The following RBFOX1 variants were observed in gnomAD, a reference collection of about 807,000 sequenced individuals.
The protein encoded by RBFOX1 is RNA binding fox-1 homolog 1, also known as RNA binding protein fox-1 homolog 1.
Under a neutral mutation model 57.7 loss-of-function variants are expected in RBFOX1, and 8 were observed. The ratio of observed to expected loss-of-function variants is 0.14; its 90% confidence interval spans 0.08 to 0.25. RBFOX1 has a LOEUF of 0.25. RBFOX1 is among the 10% of genes least tolerant of loss of function. The pLI, the probability that RBFOX1 is intolerant of heterozygous loss-of-function variation, is 1.00. For missense variants in RBFOX1, 611 were observed against 548.5 expected, an observed-to-expected ratio of 1.11 and a Z score of -1.14; for synonymous variants, 326 against 222.4, an observed-to-expected ratio of 1.47 and a Z score of -4.15.
intron 4 of RBFOX1, among the ~76,000 whole-genome samples, chr16:7,309,675 A>T (rs1162759044): frequency 6.6e-6 from 1 of 152,198 alleles, no homozygotes; most frequent in African/African-American, 2.4e-5. Flanking sequence ...CCAAGAGGAA[A>T]CATAATGCTT....
At chr16:6,077,262 G>C (rs892701110) in intron 1 of RBFOX1, among the ~76,000 whole-genome samples, 3 of 152,146 alleles carry the variant, frequency 2.0e-5, no homozygotes, top group Non-Finnish European at 4.4e-5. Context: ...CATTGCAGTT[G>C]ACATGGCAGC....
intron 3 of RBFOX1, among the ~76,000 whole-genome samples, chr16:6,732,472 T>G (rs2068894838): frequency 6.6e-6 from 1 of 152,204 alleles, no homozygotes; most frequent in Non-Finnish European, 1.5e-5. Context: ...GTCACCTGAT[T>G]CATTGAGTAT....
intron 11 of RBFOX1, among the ~76,000 whole-genome samples, chr16:7,646,968 C>T (rs1403941114): frequency 6.6e-6 from 1 of 152,132 alleles, no homozygotes; most frequent in East Asian, 1.9e-4. Context: ...GAGGGGGAGA[C>T]AGGCAGTTAG....
At chr16:6,820,033 A>C (rs2090989420) in intron 3 of RBFOX1, among the ~76,000 whole-genome samples, 1 of 152,056 alleles carries the variant, frequency 6.6e-6, no homozygotes, top group African/African-American at 2.4e-5. Flanking sequence ...CATGGGAGGC[A>C]CCCAATAGGA....
chr16:7,522,178 A>G (rs1231041301), intron 5 of RBFOX1, among the ~76,000 whole-genome samples: 1 of 152,240 alleles, frequency 6.6e-6, no homozygotes, highest in African/African-American at 2.4e-5. Flanking sequence ...AAATCATTAA[A>G]GAAACGAAGT....
intron 1 of RBFOX1, among the ~76,000 whole-genome samples, chr16:6,209,766 C>T (rs569665363): frequency 2.0e-5 from 3 of 152,264 alleles, no homozygotes; most frequent in African/African-American, 7.2e-5. Context: ...GGTCGTGAAC[C>T]AGATGATGTC....
At chr16:6,609,834 C>A (rs1238236747) in intron 2 of RBFOX1, among the ~76,000 whole-genome samples, 1 of 151,852 alleles carries the variant, frequency 6.6e-6, no homozygotes, top group Non-Finnish European at 1.5e-5. Context: ...ATGGTGAAAC[C>A]CCATCTTTAG....
intron 3 of RBFOX1, among the ~76,000 whole-genome samples, chr16:6,992,458 T>A (rs1024962532): frequency 1.3e-5 from 2 of 152,082 alleles, no homozygotes; most frequent in East Asian, 3.9e-4. Flanking sequence ...TCTCACGTGA[T>A]CTGCCTTGGC....
chr16:7,001,649 G>T (rs1269263043), intron 3 of RBFOX1, among the ~76,000 whole-genome samples: 1 of 151,968 alleles, frequency 6.6e-6, no homozygotes, highest in Non-Finnish European at 1.5e-5. Context: ...TAGAGACAGG[G>T]TTTCACCATG....
chr16:5,567,936 G>A (rs1483036247), intron 2 of RBFOX1, among the ~76,000 whole-genome samples: 1 of 152,180 alleles, frequency 6.6e-6, no homozygotes, highest in Non-Finnish European at 1.5e-5. Flanking sequence ...GCTCAAAATT[G>A]CACAGTAGTG....
rs150541078 is a variant in RBFOX1 at position 6,715,651 on chromosome 16, G to C, written c.-16+61001G>C. Among the ~76,000 whole-genome samples the C allele has an allele frequency of 1.1e-4, 16 of 152,244 alleles. 1 individual carries two copies. Among genetic ancestry groups the C allele is most frequent in the East Asian group, 7.7e-4 (4 of 5,178 alleles). On this transcript the variant is annotated intron_variant, in intron 3 of 15. Coordinates refer to ENST00000550418, the MANE Select transcript of RBFOX1 (RefSeq NM_018723.4). ...TGGCCTCATCTCCTATCCGGATAAA[G>C]ATACTTGGAAAACCCATTTCTTGAA... is the stretch of plus-strand genomic sequence containing the variant.
At chr16:5,681,778 T>G (rs866421258) in intron 3 of RBFOX1, among the ~76,000 whole-genome samples, 9 of 152,078 alleles carry the variant, frequency 5.9e-5, no homozygotes, top group South Asian at 2.1e-4. Context: ...TTTAACAACA[T>G]GTGCAAAGGC....
chr16:5,343,361 C>G (rs1383672585), intron 1 of RBFOX1, among the ~76,000 whole-genome samples: 1 of 138,300 alleles, frequency 7.2e-6, no homozygotes, highest in Non-Finnish European at 1.5e-5. Flanking sequence ...ATTGCCCAGG[C>G]TGGAGTACAG....
intron 4 of RBFOX1, among the ~76,000 whole-genome samples, chr16:7,212,345 G>A (rs751164917): frequency 2.0e-5 from 3 of 152,106 alleles, no homozygotes; most frequent in Non-Finnish European, 4.4e-5. Context: ...GAAAGTATTC[G>A]CTTGCCTGTA....
Position 5,968,391 on chromosome 16 carries a change from G to A in RBFOX1, c.351+101056G>A, listed in dbSNP as rs573646138. The stretch of plus-strand genomic sequence containing the variant: ...CCCTGGCCTCTCCAGTACATTTTTA[G>A]GGGACGATCAATGAGGATTCTCTTC... On this transcript the variant is annotated intron_variant, in intron 4 of 19. Coordinates refer to the RBFOX1 transcript ENST00000641259. Among the ~76,000 whole-genome samples, 21 of 152,174 alleles carry A rather than the reference G, an allele frequency of 1.4e-4. No individual in the cohort carries two copies. In the East Asian group the frequency reaches 3.9e-3, roughly 28 times the overall value.
chr16:7,396,439 C>T (rs552901859), intron 4 of RBFOX1, among the ~76,000 whole-genome samples: 3 of 152,078 alleles, frequency 2.0e-5, no homozygotes, highest in Non-Finnish European at 2.9e-5. Context: ...TTCACAGACT[C>T]CCACCCTGAA....
chr16:6,775,225 A>G (rs1317131900), intron 3 of RBFOX1, among the ~76,000 whole-genome samples: 2 of 149,808 alleles, frequency 1.3e-5, no homozygotes, highest in African/African-American at 2.5e-5. Context: ...AGTCCCAGCT[A>G]CTCGGGAGGC....
intron 2 of RBFOX1, among the ~76,000 whole-genome samples, chr16:6,578,260 T>C (rs551529815): frequency 6.6e-5 from 10 of 152,286 alleles, no homozygotes; most frequent in African/African-American, 2.2e-4. Flanking sequence ...AAACACTTTT[T>C]TCAGGGGCAT....
chr16:6,313,611 G>A (rs182280799), intron 1 of RBFOX1, among the ~76,000 whole-genome samples: 3 of 152,258 alleles, frequency 2.0e-5, no homozygotes, highest in Admixed American at 1.3e-4. Context: ...CATAGGTGAA[G>A]GTAGCTAATG....
Sources: allele counts gnomAD v4.1 joint callset (sites outside exome capture counted in the v4.1 genomes callset), GRCh38; gene constraint gnomAD v4.1.1; transcripts MANE v1.5; gene names NCBI Gene and HGNC (gene_info 2026-07-23, HGNC 2026-07-21).